FAM149A: variants seen among roughly 807,000 people sequenced by gnomAD.
FAM149A encodes protein FAM149A.
FAM149A carries 71 observed loss-of-function variants against 78.2 expected under a neutral mutation model. The observed-to-expected ratio is 0.91, with a 90% CI of 0.75 to 1.11. FAM149A has a LOEUF of 1.11. FAM149A is among the 50% of genes least tolerant of loss of function. The pLI is 0.00. For missense variants in FAM149A, 1,036 were observed against 971.0 expected, an observed-to-expected ratio of 1.07 and a Z score of -0.89; for synonymous variants, 446 against 410.5, an observed-to-expected ratio of 1.09 and a Z score of -1.04.
Position 186,157,643 on chromosome 4 carries a change from A to T in FAM149A, c.1499A>T (p.Asp500Val). The T allele has an allele frequency of 6.2e-7, 1 of 1,614,116 alleles. No homozygotes were observed. Residue 500 changes from aspartate to valine, a missense_variant, in exon 8 of 14, where the codon GAT becomes GTT. Coordinates refer to ENST00000389354, the MANE Select transcript of FAM149A (RefSeq NM_001367768.3). ...GTCCTCGTTCCACACGCTCACGCCG[A>T]TGGAGCCAGTGGCCCCCCGTCCGGA...
At chr4:186,147,341 G>A (rs2126444766) in intron 1 of FAM149A, among the ~76,000 whole-genome samples, 1 of 152,306 alleles carries the variant, frequency 6.6e-6, no homozygotes, top group Middle Eastern at 3.4e-3. Flanking sequence ...CTGTGATCCT[G>A]CCACTGCACT....
rs28611387 is a variant in FAM149A at position 186,164,450 on chromosome 4, C to T, written c.1889+817C>T. ...TGTTATCAGGAGCCGAGCTCAGGAG[C>T]GGGCGGCTGCCAACGCTTACCTGGC... On this transcript the variant is annotated intron_variant, in intron 10 of 13. Transcript: ENST00000389354. This position sits in a 1 kb window ranked among gnomAD's most constrained non-coding sequence, Gnocchi z 4.0. The T allele has an allele frequency of 5.9e-3, 5,782 of 985,296 alleles. 294 individuals are homozygous for T. In the African/African-American group the frequency reaches 0.094, roughly 16 times the overall value. 61.0% of individuals were successfully genotyped at this position (985,296 alleles called of 1,614,324 possible). A position where few individuals can be genotyped will look rare whatever the true frequency, so the allele number is the denominator to read the frequency against.
At chr4:186,106,936 A>C (rs946321317) in intron 1 of FAM149A, among the ~76,000 whole-genome samples, 25 of 151,484 alleles carry the variant, frequency 1.7e-4, no homozygotes, top group Non-Finnish European at 2.1e-4. Flanking sequence ...GGCGACAGAG[A>C]GAGAGACTCC....
At chr4:186,156,234 TG>T in intron 7 of FAM149A, 44 bp downstream of exon 7, 1 of 1,554,940 alleles carries the variant, frequency 6.4e-7, no homozygotes, top group Non-Finnish European at 8.8e-7. Flanking sequence ...AAAAAGTCCC[TG>T]TTCTTCGGCC....
intron 1 of FAM149A, among the ~76,000 whole-genome samples, chr4:186,111,991 T>C (rs2099311484): frequency 6.6e-6 from 1 of 151,114 alleles, no homozygotes; most frequent in Non-Finnish European, 1.5e-5. Flanking sequence ...TTGGGCAGTA[T>C]GGCCATTTTC....
Position 186,147,941 on chromosome 4 carries a change from A to G in FAM149A, c.567-1232A>G, listed in dbSNP as rs565957349. Among the ~76,000 whole-genome samples, 28 of 152,340 alleles carry G rather than the reference A, an allele frequency of 1.8e-4. No homozygotes were observed. The South Asian group carries it at 4.6e-3, about 25-fold the overall frequency. On this transcript the variant is annotated intron_variant, in intron 1 of 13. Coordinates refer to ENST00000389354, the MANE Select transcript of FAM149A (RefSeq NM_001367768.3). ...AGCAACAAAGAGAATAAAAACAATC[A>G]TATAATTCTATTATTCTCTCTTGCA...
intron 1 of FAM149A, chr4:186,116,845 C>A: frequency 2.5e-6 from 2 of 802,692 alleles, no homozygotes; most frequent in Non-Finnish European, 3.0e-6. Flanking sequence ...ACAAGCATGG[C>A]CCTTGTGCCA....
chr4:186,147,986 G>A (rs1337720529), intron 1 of FAM149A, among the ~76,000 whole-genome samples: 2 of 152,178 alleles, frequency 1.3e-5, no homozygotes, highest in Non-Finnish European at 2.9e-5. Flanking sequence ...TCTATGGAAG[G>A]TAGATGTTCT....
chr4:186,146,276 G>A (rs1164692063), intron 1 of FAM149A: 1 of 157,372 alleles, frequency 6.4e-6, no homozygotes, highest in Non-Finnish European at 1.4e-5. Context: ...AGAGGGGAAG[G>A]TCAGAGAGGA....
At chr4:186,139,869 C>T (rs889109390) in intron 1 of FAM149A, among the ~76,000 whole-genome samples, 8 of 152,128 alleles carry the variant, frequency 5.3e-5, no homozygotes, top group Non-Finnish European at 7.3e-5. Context: ...TTATATGATA[C>T]CCATGTAAAG....
chr4:186,119,813 A>T (rs1317715677), intron 1 of FAM149A, among the ~76,000 whole-genome samples: 1 of 152,216 alleles, frequency 6.6e-6, no homozygotes, highest in African/African-American at 2.4e-5. Flanking sequence ...CTAGTATCAA[A>T]CAGTGTGAAG....
At chr4:186,161,013 G>T (rs116830208) in intron 8 of FAM149A, 2 of 246,796 alleles carry the variant, frequency 8.1e-6, no homozygotes, top group African/African-American at 4.6e-5. Context: ...TAGAGTGGAC[G>T]TTCAATAAGT....
chr4:186,169,583 C>T, intron 13 of FAM149A: 1 of 985,434 alleles, frequency 1.0e-6, no homozygotes, highest in Non-Finnish European at 1.2e-6. Flanking sequence ...CCTCTCTGGC[C>T]ACCAGCTCAG....
intron 1 of FAM149A, among the ~76,000 whole-genome samples, chr4:186,126,359 A>G (rs1470813675): frequency 6.6e-6 from 1 of 152,150 alleles, no homozygotes; most frequent in Non-Finnish European, 1.5e-5. Context: ...GAGCTAAGGG[A>G]CACCCAGATA....
At chr4:186,105,784 C>T (rs1394449689) in intron 1 of FAM149A, 142 bp downstream of exon 1, 2 of 496,928 alleles carry the variant, frequency 4.0e-6, no homozygotes, top group African/African-American at 4.2e-5. Context: ...ACCCTCCTTG[C>T]ACGTTTCCTG....
rs928140617 is a variant in FAM149A, at chr4:186,105,169, G to A, written c.93G>A (p.Ser31=). The A allele has an allele frequency of 1.7e-5, 22 of 1,277,200 alleles. No homozygotes were observed. The African/African-American group carries it at 3.3e-4, about 19-fold the overall frequency. The allele number at this position is 1,277,200 out of a possible 1,614,324, so 79.1% of individuals were successfully genotyped here. Residue 31 remains serine, a synonymous_variant, in exon 1 of 14, where the codon TCG becomes TCA. Transcript: ENST00000389354. ...CCGCAGGCCCCTCCTCCAGACCCTC[G>A]GGAGGTGCTGCCGCTGCAGGGTCGG... is the stretch of plus-strand genomic sequence containing the variant.
chr4:186,148,188 G>C (rs565444047), intron 1 of FAM149A, among the ~76,000 whole-genome samples: 1 of 152,192 alleles, frequency 6.6e-6, no homozygotes, highest in Non-Finnish European at 1.5e-5. Flanking sequence ...TTAGCTGGGC[G>C]TGGTGGCAGG....
In FAM149A at chr4:186,160,749, CCACACCACACA is replaced by C. The variant is rs1734536125; in HGVS notation, c.1576-2086_1576-2076del. 1.1e-5 allele frequency: 11 copies of C among 964,426 alleles called. No homozygotes were observed. In the South Asian group the frequency reaches 5.3e-4, roughly 47 times the overall value. The allele number at this position is 964,426 out of a possible 1,614,324, so 59.7% of individuals were successfully genotyped here. A position where few individuals can be genotyped will look rare whatever the true frequency, so the allele number is the denominator to read the frequency against. ...CTCACCACACCCCACACACACCACA[CCACACCACACA>C]CACACCACATCACACCACACCACAC... On this transcript the variant is annotated intron_variant, in intron 8 of 13. Coordinates refer to ENST00000389354, the MANE Select transcript of FAM149A (RefSeq NM_001367768.3).
intron 1 of FAM149A, chr4:186,116,528 A>G (rs2099313782): frequency 3.0e-6 from 3 of 985,262 alleles, no homozygotes. Flanking sequence ...CCGAGAAAAC[A>G]ATTTTGTTCT....
Sources: gnomAD v4.1 joint callset for allele counts (sites outside exome capture counted in the v4.1 genomes callset) on GRCh38, gnomAD v4.1.1 for gene constraint, Gnocchi (gnomAD v3.1) non-coding constraint, MANE v1.5 for transcripts, NCBI Gene and HGNC (gene_info 2026-07-23, HGNC 2026-07-21) for gene names.